Variants in PPP1R12A observed in about 807,000 individuals in gnomAD.
PPP1R12A encodes protein phosphatase 1 regulatory subunit 12A.
Under a neutral mutation model 139.6 loss-of-function variants are expected in PPP1R12A, and 19 were observed. That is an observed-to-expected ratio of 0.14 (90% CI 0.09 to 0.20). The LOEUF (loss-of-function observed/expected upper bound fraction) is 0.20, where lower values mean the gene tolerates loss of function less well. PPP1R12A is among the 10% of genes least tolerant of loss of function. The pLI, the probability that PPP1R12A is intolerant of heterozygous loss-of-function variation, is 1.00. For missense variants in PPP1R12A, 925 were observed against 1,211.5 expected (o/e 0.76, Z 3.51); for synonymous variants, 427 against 420.6 (o/e 1.02, Z -0.19).
At chr12:79,861,628 G>A (rs1387727994) in intron 2 of PPP1R12A, among the ~76,000 whole-genome samples, 4 of 152,174 alleles carry the variant, frequency 2.6e-5, no homozygotes, top group African/African-American at 9.7e-5. Flanking sequence ...CTTCTCCCAT[G>A]GTCTTTGCAA....
intron 15 of PPP1R12A, 23 bp from the exon 16 acceptor site, chr12:79,797,418 ATAAT>A: frequency 6.5e-7 from 1 of 1,547,328 alleles, no homozygotes; most frequent in Non-Finnish European, 8.7e-7. Context: ...AAAGATCAAT[ATAAT>A]TATGAGATGC....
At chr12:79,801,789 C>A (rs1397089524) in intron 14 of PPP1R12A, among the ~76,000 whole-genome samples, 1 of 152,150 alleles carries the variant, frequency 6.6e-6, no homozygotes, top group Non-Finnish European at 1.5e-5. Context: ...TCAATTAACT[C>A]TTACTTATTG....
chr12:79,889,480 T>C (rs1205678334), intron 1 of PPP1R12A, among the ~76,000 whole-genome samples: 1 of 152,122 alleles, frequency 6.6e-6, no homozygotes, highest in Non-Finnish European at 1.5e-5. Flanking sequence ...ACACATGAGG[T>C]AGGGAGACAC....
At chr12:79,880,028 C>A (rs1019151174) in intron 1 of PPP1R12A, among the ~76,000 whole-genome samples, 26 of 152,030 alleles carry the variant, frequency 1.7e-4, no homozygotes, top group African/African-American at 6.0e-4. Flanking sequence ...ACATTTTTTT[C>A]CCCAAGAATT....
At chr12:79,859,485 A>G (rs1239293365) in intron 2 of PPP1R12A, among the ~76,000 whole-genome samples, 11 of 152,328 alleles carry the variant, frequency 7.2e-5, no homozygotes, top group Non-Finnish European at 4.4e-5. Flanking sequence ...TTATAAAATA[A>G]AGGCTATAAT....
At chr12:79,910,405 G>C (rs1886471804) in intron 1 of PPP1R12A, among the ~76,000 whole-genome samples, 1 of 152,046 alleles carries the variant, frequency 6.6e-6, no homozygotes, top group South Asian at 2.1e-4. Context: ...GCTTGAACCT[G>C]GGAGGTGGGA....
chr12:79,841,881 G>A (rs1336950043), intron 3 of PPP1R12A, among the ~76,000 whole-genome samples: 1 of 151,928 alleles, frequency 6.6e-6, no homozygotes, highest in Non-Finnish European at 1.5e-5. Flanking sequence ...TGTTTATTCA[G>A]GCTCCAGTTT....
At chr12:79,780,916 T>A (rs1870368688) in intron 23 of PPP1R12A, among the ~76,000 whole-genome samples, 1 of 152,200 alleles carries the variant, frequency 6.6e-6, no homozygotes, top group Non-Finnish European at 1.5e-5. Flanking sequence ...TTCTTTTTTT[T>A]TAACCATTTC....
chr12:79,812,988 A>G (rs1874802771), intron 9 of PPP1R12A, among the ~76,000 whole-genome samples: 1 of 152,066 alleles, frequency 6.6e-6, no homozygotes. Context: ...TTTCTAATAA[A>G]CCTTTTCTCA....
At chr12:79,867,904 T>C (rs1252442246) in intron 2 of PPP1R12A, among the ~76,000 whole-genome samples, 2 of 152,164 alleles carry the variant, frequency 1.3e-5, no homozygotes, top group Non-Finnish European at 2.9e-5. Context: ...CCTTCCACCA[T>C]GATTGTAAGT....
At chr12:79,922,653 C>T (rs895899235) in intron 1 of PPP1R12A, among the ~76,000 whole-genome samples, 19 of 152,094 alleles carry the variant, frequency 1.2e-4, no homozygotes, top group Non-Finnish European at 5.9e-5. Context: ...CACATGGACA[C>T]AGGGAGGACC....
intron 22 of PPP1R12A, among the ~76,000 whole-genome samples, chr12:79,784,353 C>T (rs1870840909): frequency 1.3e-5 from 2 of 152,310 alleles, no homozygotes; most frequent in South Asian, 4.1e-4. Context: ...TTTAATCCTA[C>T]TTCTCTTGCC....
At chr12:79,825,122 A>G (rs1212487886) in intron 5 of PPP1R12A, 1 of 152,184 alleles carries the variant, frequency 6.6e-6, no homozygotes, top group East Asian at 1.9e-4. Flanking sequence ...TCATTAAGAG[A>G]AAGTGGGAAT....
intron 9 of PPP1R12A, among the ~76,000 whole-genome samples, chr12:79,814,660 A>G (rs1202541972): frequency 1.3e-5 from 2 of 150,686 alleles, no homozygotes; most frequent in African/African-American, 2.4e-5. Context: ...TACTAAAAAT[A>G]CAAAAATTAG....
intron 1 of PPP1R12A, among the ~76,000 whole-genome samples, chr12:79,903,749 CAATT>C (rs1454105522): frequency 1.3e-5 from 2 of 152,006 alleles, no homozygotes; most frequent in Admixed American, 6.6e-5. Flanking sequence ...TTGCTTATTA[CAATT>C]AATTATTTGA....
At chr12:79,789,440 T>TA (rs1231476745) in intron 20 of PPP1R12A, among the ~76,000 whole-genome samples, 1 of 152,160 alleles carries the variant, frequency 6.6e-6, no homozygotes, top group East Asian at 1.9e-4. Flanking sequence ...TTTTCAGTAG[T>TA]AGGTAACACA....
intron 1 of PPP1R12A, among the ~76,000 whole-genome samples, chr12:79,890,948 C>CACAT (rs1389959828): frequency 2.1e-5 from 3 of 145,298 alleles, no homozygotes; most frequent in Admixed American, 1.4e-4. Flanking sequence ...CACACATTCA[C>CACAT]TCACTCTCTC....
intron 4 of PPP1R12A, among the ~76,000 whole-genome samples, chr12:79,830,387 T>C (rs1391135230): frequency 1.3e-5 from 2 of 152,200 alleles, no homozygotes; most frequent in Non-Finnish European, 2.9e-5. Context: ...TTTCAGAATA[T>C]GCCAGTGAAA....
At chr12:79,832,545 G>A in intron 3 of PPP1R12A, 54 bp from the exon 4 acceptor site, 29 of 1,489,124 alleles carry the variant, frequency 1.9e-5, no homozygotes, top group East Asian at 7.2e-5. Context: ...GTTCCATGTT[G>A]GGAAATAAAA....
Sources: gnomAD v4.1 joint callset for allele counts (sites outside exome capture counted in the v4.1 genomes callset) on GRCh38, gnomAD v4.1.1 for gene constraint, MANE v1.5 for transcripts, NCBI Gene and HGNC (gene_info 2026-07-23, HGNC 2026-07-21) for gene names.